Variants in TOX3 observed in about 807,000 individuals in gnomAD.
TOX3 encodes TOX high mobility group box family member 3.
In TOX3, 22 loss-of-function variants were observed where a neutral mutation model predicts 64.3. The ratio of observed to expected loss-of-function variants is 0.34; its 90% CI spans 0.24 to 0.49. The LOEUF (loss-of-function observed/expected upper bound fraction) is 0.49. TOX3 is among the 20% of genes least tolerant of loss of function. TOX3 has a pLI of 0.99. For missense variants in TOX3, 661 were observed against 714.4 expected (o/e 0.93, Z 0.85); for synonymous variants, 291 against 273.6 (o/e 1.06, Z -0.63).
intron 1 of TOX3, among the ~76,000 whole-genome samples, chr16:52,515,363 C>T (rs956619035): frequency 2.6e-5 from 4 of 152,100 alleles, no homozygotes; most frequent in African/African-American, 4.8e-5. Flanking sequence ...TTTCCATCTC[C>T]ATGAAACTAA....
chr16:52,487,241 C>A (rs1961556625), intron 1 of TOX3, among the ~76,000 whole-genome samples: 2 of 151,468 alleles, frequency 1.3e-5, no homozygotes, highest in African/African-American at 4.9e-5. Flanking sequence ...ATGCATGGCG[C>A]CAAGCTCACC....
At chr16:52,482,804 G>A (rs572027984) in intron 1 of TOX3, among the ~76,000 whole-genome samples, 16 of 152,138 alleles carry the variant, frequency 1.1e-4, no homozygotes, top group African/African-American at 2.9e-4. Context: ...TTTTCTCATC[G>A]CTACTAGTGG....
At chr16:52,450,773 T>C (rs1300717518) in intron 3 of TOX3, among the ~76,000 whole-genome samples, 2 of 129,650 alleles carry the variant, frequency 1.5e-5, no homozygotes, top group East Asian at 4.5e-4. Flanking sequence ...TATTTCATTA[T>C]AGAACTGTCA....
At chr16:52,537,101 T>C (rs1174465036) in intron 1 of TOX3, among the ~76,000 whole-genome samples, 1 of 152,094 alleles carries the variant, frequency 6.6e-6, no homozygotes, top group Non-Finnish European at 1.5e-5. Flanking sequence ...TGTTCAGACA[T>C]TGTCTTGAAA....
intron 1 of TOX3, among the ~76,000 whole-genome samples, chr16:52,505,853 G>A (rs1962147655): frequency 6.6e-6 from 1 of 152,108 alleles, no homozygotes; most frequent in Non-Finnish European, 1.5e-5. Context: ...GCACATGCCT[G>A]TAGTCCCAGC....
intron 1 of TOX3, among the ~76,000 whole-genome samples, chr16:52,524,187 T>A (rs1445060278): frequency 6.6e-6 from 1 of 152,170 alleles, no homozygotes; most frequent in Non-Finnish European, 1.5e-5. Flanking sequence ...TCTCTACAAT[T>A]CTGCATGTAG....
intron 1 of TOX3, among the ~76,000 whole-genome samples, chr16:52,528,474 T>C (rs1413917723): frequency 6.6e-6 from 1 of 151,978 alleles, no homozygotes; most frequent in Admixed American, 6.6e-5. Flanking sequence ...GAAATGATGA[T>C]GCTGAGAGGC....
At chr16:52,440,652 C>A (rs1008351066) in intron 6 of TOX3, among the ~76,000 whole-genome samples, 2 of 151,470 alleles carry the variant, frequency 1.3e-5, no homozygotes, top group African/African-American at 4.8e-5. Context: ...AAATGCAGTT[C>A]TCTGACTTAA....
intron 5 of TOX3, chr16:52,445,466 C>T: frequency 6.6e-6 from 1 of 152,414 alleles, no homozygotes; most frequent in African/African-American, 2.4e-5. Flanking sequence ...AAGTATCTCC[C>T]ACAAGCATGG....
intron 1 of TOX3, among the ~76,000 whole-genome samples, chr16:52,520,647 T>C (rs1962586130): frequency 6.6e-6 from 1 of 152,228 alleles, no homozygotes; most frequent in Non-Finnish European, 1.5e-5. Context: ...CATATTCCCT[T>C]ATTACATAAT....
chr16:52,446,345 C>T (rs1004342448), intron 4 of TOX3, 124 bp from the exon 5 acceptor site: 5 of 997,552 alleles, frequency 5.0e-6, no homozygotes, highest in Admixed American at 2.8e-5. Flanking sequence ...TGAATCACCA[C>T]CAAAAGCGGG....
chr16:52,470,522 T>C (rs1019092014), intron 1 of TOX3, among the ~76,000 whole-genome samples: 7 of 152,182 alleles, frequency 4.6e-5, no homozygotes, highest in Admixed American at 4.6e-4. Context: ...ACTAAAGGCC[T>C]AAACAATTCA....
At chr16:52,539,633 A>G (rs1963032579) in intron 1 of TOX3, among the ~76,000 whole-genome samples, 1 of 152,092 alleles carries the variant, frequency 6.6e-6, no homozygotes, top group Admixed American at 6.5e-5. Context: ...CATTTCATTC[A>G]TCTGCTTTAC....
intron 1 of TOX3, among the ~76,000 whole-genome samples, chr16:52,532,704 G>A (rs28580623): frequency 0.044 from 6,688 of 152,280 alleles, 536 homozygotes; most frequent in African/African-American, 0.15. Flanking sequence ...AAAAACATAC[G>A]AAGGCAAAAC....
In TOX3 at chr16:52,445,972, CCTTGATGGGT is replaced by C. The variant is rs1355543015; in HGVS notation, c.906+12_906+21del. The C allele has an allele frequency of 3.7e-6, 6 of 1,602,082 alleles. No individual in the cohort carries two copies. Among genetic ancestry groups the C allele is most frequent in the Non-Finnish European group, 5.1e-6 (6 of 1,170,512 alleles). ...ATGATCATGAGGTTTATTGATGGAGCCTTGATGGGTCTTTGTCTCACCTGCTTTTGTTCTT... is the reference window on the plus strand; with the variant it reads ...ATGATCATGAGGTTTATTGATGGAGCCTTTGTCTCACCTGCTTTTGTTCTT... On this transcript the variant is annotated intron_variant, in intron 5 of 6. Coordinates refer to ENST00000219746, the MANE Select transcript of TOX3 (RefSeq NM_001080430.4).
intron 3 of TOX3, among the ~76,000 whole-genome samples, chr16:52,453,614 G>C (rs2151748524): frequency 6.6e-6 from 1 of 152,244 alleles, no homozygotes; most frequent in East Asian, 1.9e-4. Context: ...TAGTTAACTG[G>C]TATGGTCATG....
intron 1 of TOX3, among the ~76,000 whole-genome samples, chr16:52,516,431 T>G (rs1314459995): frequency 1.3e-5 from 2 of 152,164 alleles, no homozygotes; most frequent in Non-Finnish European, 2.9e-5. Context: ...TCAGCAGCAA[T>G]GAAGGAGAAA....
chr16:52,453,966 A>AT, intron 3 of TOX3, among the ~76,000 whole-genome samples: 1 of 152,326 alleles, frequency 6.6e-6, no homozygotes, highest in East Asian at 1.9e-4. Flanking sequence ...GCACTTTCTA[A>AT]TTTAATCCCC....
chr16:52,441,855 T>A (rs370333701), intron 6 of TOX3, among the ~76,000 whole-genome samples: 1 of 152,132 alleles, frequency 6.6e-6, no homozygotes, highest in Non-Finnish European at 1.5e-5. Context: ...CAAAACTCAG[T>A]GGGGCTGCAT....
Sources: allele counts gnomAD v4.1 joint callset (sites outside exome capture counted in the v4.1 genomes callset), GRCh38; gene constraint gnomAD v4.1.1; transcripts MANE v1.5; gene names NCBI Gene and HGNC (gene_info 2026-07-23, HGNC 2026-07-21).